L3MBTL4: variants seen among roughly 807,000 people sequenced by gnomAD.
L3MBTL4 encodes the protein L3MBTL histone methyl-lysine binding protein 4.
In L3MBTL4, 70 loss-of-function variants were observed where a neutral mutation model predicts 84.5. The observed-to-expected ratio is 0.83, with a 90% CI of 0.68 to 1.01. L3MBTL4 has a LOEUF of 1.01. Ranked by LOEUF, L3MBTL4 falls within the 50% of genes least tolerant of loss-of-function variation. The probability of loss-of-function intolerance (pLI) is 0.00; values close to 1 mark genes in which losing one functional copy is unlikely to be tolerated. For synonymous variants in L3MBTL4, 274 were observed against 259.8 expected, an observed-to-expected ratio of 1.05 and a Z score of -0.52; for missense variants, 715 against 754.8, an observed-to-expected ratio of 0.95 and a Z score of 0.62.
At chr18:6,099,906 G>T (rs1274000877) in intron 14 of L3MBTL4, among the ~76,000 whole-genome samples, 1 of 151,976 alleles carries the variant, frequency 6.6e-6, no homozygotes, top group Non-Finnish European at 1.5e-5. Flanking sequence ...TGGATGAAAT[G>T]CATTTGATTC....
chr18:6,105,121 C>G (rs917009645), intron 14 of L3MBTL4, among the ~76,000 whole-genome samples: 29 of 151,004 alleles, frequency 1.9e-4, no homozygotes, highest in Admixed American at 1.2e-3. Flanking sequence ...CTGCCATACA[C>G]TATTCTAAAT....
intron 16 of L3MBTL4, among the ~76,000 whole-genome samples, chr18:6,064,256 T>A (rs1257426340): frequency 6.6e-6 from 1 of 152,142 alleles, no homozygotes; most frequent in African/African-American, 2.4e-5. Flanking sequence ...CTTTGATAAT[T>A]ACAGCCTTGT....
In L3MBTL4 at chr18:6,015,864, GC is replaced by G. The variant is rs529865783; in HGVS notation, c.1445-46303del. 1.1e-4 allele frequency among the ~76,000 whole-genome samples: 17 copies of G among 152,334 alleles called. 1 individual carries two copies. In the East Asian group the frequency reaches 3.3e-3, roughly 29 times the overall value. Reference sequence around the variant, plus strand: ...AGTCCCAGCTACTCAGGAGGCTGAGGCAGGAGAATCGCTTGAATCCGGGACG... The same window carrying G: ...AGTCCCAGCTACTCAGGAGGCTGAGGAGGAGAATCGCTTGAATCCGGGACG... On this transcript the variant is annotated intron_variant, in intron 16 of 18. Coordinates refer to ENST00000317931, the MANE Select transcript of L3MBTL4 (RefSeq NM_001330559.2).
chr18:6,086,497 A>G (rs1451373398), intron 15 of L3MBTL4, among the ~76,000 whole-genome samples: 1 of 152,220 alleles, frequency 6.6e-6, no homozygotes, highest in Non-Finnish European at 1.5e-5. Context: ...AGGAAATACA[A>G]GACTCTAGAG....
intron 10 of L3MBTL4, among the ~76,000 whole-genome samples, chr18:6,220,741 G>C (rs1403955168): frequency 6.6e-6 from 1 of 152,210 alleles, no homozygotes; most frequent in Non-Finnish European, 1.5e-5. Context: ...TTTGTTGAAT[G>C]AATAAAATAT....
intron 12 of L3MBTL4, among the ~76,000 whole-genome samples, chr18:6,173,444 A>G (rs2044073871): frequency 6.6e-6 from 1 of 152,176 alleles, no homozygotes; most frequent in Non-Finnish European, 1.5e-5. Flanking sequence ...TGCAGCTGGA[A>G]GTTAAAAGAC....
At chr18:6,032,319 T>A in intron 16 of L3MBTL4, 1 of 983,770 alleles carries the variant, frequency 1.0e-6, no homozygotes, top group Non-Finnish European at 1.2e-6. Flanking sequence ...ACAAGTTACG[T>A]GCAAAAAAGC....
chr18:6,401,791 G>A (rs770409617), intron 1 of L3MBTL4, among the ~76,000 whole-genome samples: 6 of 152,202 alleles, frequency 3.9e-5, no homozygotes, highest in Non-Finnish European at 8.8e-5. Flanking sequence ...CCAGGCTAAC[G>A]TGGGCACAAA....
intron 16 of L3MBTL4, among the ~76,000 whole-genome samples, chr18:6,038,539 C>T (rs2056253676): frequency 1.3e-5 from 2 of 152,132 alleles, no homozygotes; most frequent in African/African-American, 2.4e-5. Flanking sequence ...CAGGCATAAG[C>T]CACTGCACCT....
intron 16 of L3MBTL4, among the ~76,000 whole-genome samples, chr18:5,989,816 C>G (rs1226335544): frequency 6.6e-6 from 1 of 152,204 alleles, no homozygotes; most frequent in Non-Finnish European, 1.5e-5. Context: ...TCTTTTCTCA[C>G]CATTTCTGGT....
chr18:6,411,046 G>A (rs747287069), intron 1 of L3MBTL4, among the ~76,000 whole-genome samples: 1 of 152,138 alleles, frequency 6.6e-6, no homozygotes, highest in Non-Finnish European at 1.5e-5. Flanking sequence ...GGAAAAAATC[G>A]TTTGTATTTG....
At chr18:6,239,978 T>A (rs2047387478) in intron 8 of L3MBTL4, 106 bp from the exon 9 acceptor site, 1 of 1,113,410 alleles carries the variant, frequency 9.0e-7, no homozygotes, top group Non-Finnish European at 1.3e-6. Flanking sequence ...AGTCTACAGG[T>A]GTCAGCACTT....
chr18:6,025,895 A>G (rs1803435930), intron 16 of L3MBTL4, among the ~76,000 whole-genome samples: 1 of 152,228 alleles, frequency 6.6e-6, no homozygotes, highest in Admixed American at 6.5e-5. Context: ...CCTGGTTCCT[A>G]AAAGGCCTTG....
chr18:6,322,251 T>C (rs1035956034), intron 1 of L3MBTL4, among the ~76,000 whole-genome samples: 6 of 151,542 alleles, frequency 4.0e-5, no homozygotes, highest in East Asian at 1.9e-4. Context: ...GGTGGGAGGA[T>C]TGCATGAGCA....
intron 1 of L3MBTL4, among the ~76,000 whole-genome samples, chr18:6,348,058 A>AT (rs773409533): frequency 7.6e-4 from 116 of 152,208 alleles, no homozygotes; most frequent in Non-Finnish European, 1.4e-3. Context: ...ATTGATTCCT[A>AT]TTAAAGACCT....
At chr18:6,019,588 C>T (rs1221655029) in intron 16 of L3MBTL4, among the ~76,000 whole-genome samples, 1 of 152,172 alleles carries the variant, frequency 6.6e-6, no homozygotes, top group Non-Finnish European at 1.5e-5. Context: ...TACTAGGTGC[C>T]AGGTTTCATA....
At chr18:6,214,707 T>C (rs142578127) in intron 11 of L3MBTL4, among the ~76,000 whole-genome samples, 17 of 152,338 alleles carry the variant, frequency 1.1e-4, no homozygotes, top group African/African-American at 4.1e-4. Context: ...AGAATCTTTC[T>C]GTTCTCCCCA....
chr18:6,281,844 C>CA (rs1481218796), intron 4 of L3MBTL4, among the ~76,000 whole-genome samples: 1 of 152,094 alleles, frequency 6.6e-6, no homozygotes, highest in African/African-American at 2.4e-5. Context: ...CAACATATAG[C>CA]AAAATTAAAA....
intron 1 of L3MBTL4, among the ~76,000 whole-genome samples, chr18:6,327,603 A>G (rs924987672): frequency 3.3e-5 from 5 of 152,184 alleles, no homozygotes; most frequent in African/African-American, 9.7e-5. Flanking sequence ...AAGGAGACCA[A>G]CGACAGCATA....
Sources: allele counts gnomAD v4.1 joint callset (sites outside exome capture counted in the v4.1 genomes callset), GRCh38; gene constraint gnomAD v4.1.1; transcripts MANE v1.5; gene names NCBI Gene and HGNC (gene_info 2026-07-23, HGNC 2026-07-21).